NAA11: variants seen among roughly 807,000 people sequenced by gnomAD.
NAA11 encodes the protein N-alpha-acetyltransferase 11, NatA catalytic subunit, also known as N-alpha-acetyltransferase 11.
Under a neutral mutation model 16.1 loss-of-function variants are expected in NAA11, and 15 were observed. That is an observed-to-expected ratio of 0.93 (90% CI 0.62 to 1.44). The LOEUF is 1.44. Ranked by LOEUF, NAA11 falls within the 40% of genes most tolerant of loss-of-function variation. The pLI is 0.00. For missense variants in NAA11, 298 were observed against 291.3 expected (o/e 1.02, Z -0.17); for synonymous variants, 122 against 112.4 (o/e 1.09, Z -0.54).
At chr4:79,294,607 C>T (rs942193898) in intron 1 of NAA11, among the ~76,000 whole-genome samples, 2 of 152,084 alleles carry the variant, frequency 1.3e-5, no homozygotes, top group Non-Finnish European at 2.9e-5. Flanking sequence ...GGAAAGATTC[C>T]TGTCTTTTAT....
intron 2 of NAA11, among the ~76,000 whole-genome samples, chr4:79,273,347 A>G (rs956460512): frequency 6.6e-6 from 1 of 152,172 alleles, no homozygotes; most frequent in Admixed American, 6.5e-5. Flanking sequence ...GTTAAAATCC[A>G]TGCACTAAAA....
At chr4:79,257,797 A>G (rs1039238261) in intron 2 of NAA11, among the ~76,000 whole-genome samples, 1 of 152,146 alleles carries the variant, frequency 6.6e-6, no homozygotes, top group African/African-American at 2.4e-5. Flanking sequence ...ATTTTAATCT[A>G]TATTTGAGCA....
intron 1 of NAA11, among the ~76,000 whole-genome samples, chr4:79,321,708 T>C (rs1325024914): frequency 6.6e-6 from 1 of 152,236 alleles, no homozygotes. Flanking sequence ...TCATATCACA[T>C]TATAGATACT....
the NAA11 span, among the ~76,000 whole-genome samples, chr4:79,191,289 A>C: frequency 1.3e-5 from 2 of 151,294 alleles, no homozygotes; most frequent in Non-Finnish European, 2.9e-5. Flanking sequence ...ACTCCCACCA[A>C]CAGTGGGTAA....
chr4:79,233,041 C>G (rs1442817723), intron 2 of NAA11, among the ~76,000 whole-genome samples: 1 of 151,886 alleles, frequency 6.6e-6, no homozygotes, highest in Non-Finnish European at 1.5e-5. Flanking sequence ...ATAATAAGTA[C>G]CTAGTACAAT....
chr4:79,315,629 G>A (rs1486676689), downstream of NAA11, among the ~76,000 whole-genome samples: 1 of 151,920 alleles, frequency 6.6e-6, no homozygotes, highest in Non-Finnish European at 1.5e-5. Context: ...TTGCTTCAAA[G>A]CCTTGCTTTG....
intron 2 of NAA11, among the ~76,000 whole-genome samples, chr4:79,242,128 GT>G (rs1315823740): frequency 6.6e-6 from 1 of 152,166 alleles, no homozygotes; most frequent in Non-Finnish European, 1.5e-5. Context: ...AGTTTAAGTG[GT>G]AATTCTGTGG....
At chr4:79,253,554 T>TGAGA (rs200536439) in intron 2 of NAA11, among the ~76,000 whole-genome samples, 11 of 151,134 alleles carry the variant, frequency 7.3e-5, no homozygotes, top group African/African-American at 2.2e-4. Context: ...AAAGAAGTGA[T>TGAGA]GAGAGAGAGA....
intron 2 of NAA11, chr4:79,244,807 T>C (rs183474420): frequency 0.019 from 2,945 of 153,302 alleles, 50 homozygotes; most frequent in Non-Finnish European, 0.03. Context: ...TTTGTATTTT[T>C]TGGTGGAGAC....
Position 79,325,662 on chromosome 4 carries a change from G to C in NAA11, c.216C>G (p.Ile72Met), listed in dbSNP as rs1197320083. ...EEPDDVPHGH[I>M]TSLAVKRSHR... ...GTGAACGCTTCACGGCCAGTGAGGT[G>C]ATATGGCCATGCGGGACATCATCTG... Residue 72 changes from isoleucine (I) to methionine (M), a missense_variant, in exon 1 of 2, where the codon ATC (isoleucine) becomes ATG (methionine). Ile to Met is a conservative substitution (Grantham distance 10). Coordinates refer to ENST00000286794, the MANE Select transcript of NAA11 (RefSeq NM_032693.3). 6.2e-7 allele frequency: 1 copy of C among 1,614,092 alleles called. No individual in the cohort carries two copies. The highest frequency in any genetic ancestry group is 8.5e-7 in the Non-Finnish European group (1 of 1,179,964).
At chr4:79,206,274 G>C in the NAA11 span, among the ~76,000 whole-genome samples, 3 of 151,932 alleles carry the variant, frequency 2.0e-5, no homozygotes, top group Non-Finnish European at 2.9e-5. Context: ...TGTGTCATCT[G>C]TGATTTCTTT....
chr4:79,266,346 C>G (rs555987305), intron 2 of NAA11, among the ~76,000 whole-genome samples: 2 of 152,294 alleles, frequency 1.3e-5, no homozygotes, highest in East Asian at 1.9e-4. Context: ...CACTCTCCCC[C>G]TCTGGAAAAA....
At chr4:79,160,243 C>T in the NAA11 span, among the ~76,000 whole-genome samples, 1 of 152,144 alleles carries the variant, frequency 6.6e-6, no homozygotes, top group Non-Finnish European at 1.5e-5. Flanking sequence ...CCAGCCGCCT[C>T]GGCCTCCCAA....
At position 79,282,802 on chromosome 4, in the gene NAA11, G is replaced by A. The variant is rs1240060031; in HGVS notation, c.*122+11203C>T. Among the ~76,000 whole-genome samples, 4 of 152,074 alleles carry A rather than the reference G, an allele frequency of 2.6e-5. No individual in the cohort carries two copies. The East Asian group carries it at 7.7e-4, about 29-fold the overall frequency. ...AGAAATTTCAGATCACTGGAAATACGGAATTATTTAACTCCATGGAACTGG... is the reference window on the plus strand; with the variant it reads ...AGAAATTTCAGATCACTGGAAATACAGAATTATTTAACTCCATGGAACTGG... On this transcript the variant is annotated intron_variant and NMD_transcript_variant, in intron 2 of 2. Transcript: ENST00000511542.
rs560663267 is a variant in NAA11, at chr4:79,325,296, T to C, written c.582A>G (p.Gln194=). ...TLSDSEEACQ[Q]KNPATEESGS... ...CACTTTCTTCGGTAGCCGGGTTCTT[T>C]TGCTGACAGGCCTCTTCAGAATCAG... is the stretch of plus-strand genomic sequence containing the variant. Residue 194 remains glutamine, a synonymous_variant, in exon 1 of 2, where the codon CAA becomes CAG. Transcript: ENST00000286794. 35 of 1,613,920 alleles carry C rather than the reference T, an allele frequency of 2.2e-5. No individual in the cohort carries two copies. The highest frequency in any genetic ancestry group is 5.0e-5 in the Admixed American group (3 of 60,012).
At chr4:79,271,698 G>A (rs1722496617) in intron 2 of NAA11, among the ~76,000 whole-genome samples, 1 of 152,016 alleles carries the variant, frequency 6.6e-6, no homozygotes. Context: ...AGAAAACAAT[G>A]TTTAAGTAAT....
At chr4:79,207,518 G>A in the NAA11 span, among the ~76,000 whole-genome samples, 2 of 152,086 alleles carry the variant, frequency 1.3e-5, no homozygotes, top group Non-Finnish European at 2.9e-5. Context: ...CTTCAGGCCA[G>A]GAAGAGAGGC....
At chr4:79,258,921 T>C in intron 2 of NAA11, 1 of 201,936 alleles carries the variant, frequency 5.0e-6, no homozygotes, top group Non-Finnish European at 1.0e-5. Flanking sequence ...CAGGGCCTCC[T>C]CTCTGCTGAG....
the NAA11 span, among the ~76,000 whole-genome samples, chr4:79,160,459 G>C: frequency 2.0e-5 from 3 of 152,286 alleles, no homozygotes; most frequent in East Asian, 5.8e-4. Context: ...CACAGCAGCT[G>C]CACCATTTTC....
Sources: gnomAD v4.1 joint callset for allele counts (sites outside exome capture counted in the v4.1 genomes callset) on GRCh38, gnomAD v4.1.1 for gene constraint, MANE v1.5 for transcripts, NCBI Gene and HGNC (gene_info 2026-07-23, HGNC 2026-07-21) for gene names.